The following PRKCE variants were observed in gnomAD, a reference collection of about 807,000 sequenced individuals.
The protein encoded by PRKCE is protein kinase C epsilon type.
A neutral mutation model predicts 85.4 loss-of-function variants in PRKCE; 16 were observed. That is an observed-to-expected ratio of 0.19 (90% CI 0.13 to 0.28). PRKCE has a LOEUF of 0.28. Ranked by LOEUF, PRKCE falls within the 10% of genes least tolerant of loss-of-function variation. The pLI, the probability that PRKCE is intolerant of heterozygous loss-of-function variation, is 1.00. For missense variants in PRKCE, 573 were observed against 975.2 expected (o/e 0.59, Z 5.49); for synonymous variants, 388 against 371.5 (o/e 1.04, Z -0.51).
intron 1 of PRKCE, among the ~76,000 whole-genome samples, chr2:45,717,502 C>G (rs1680237250): frequency 6.6e-6 from 1 of 152,162 alleles, no homozygotes; most frequent in African/African-American, 2.4e-5. Flanking sequence ...TTGGGTTCCC[C>G]CTAAAGCATA....
Position 46,025,635 on chromosome 2 carries a change from C to G in PRKCE, c.1437+15118C>G, listed in dbSNP as rs1207672550. Among the ~76,000 whole-genome samples, 6 of 152,358 alleles carry G rather than the reference C, an allele frequency of 3.9e-5. No individual in the cohort carries two copies. The East Asian group carries it at 1.2e-3, about 29-fold the overall frequency. On this transcript the variant is annotated intron_variant, in intron 10 of 14. Coordinates refer to ENST00000306156, the MANE Select transcript of PRKCE (RefSeq NM_005400.3). The stretch of plus-strand genomic sequence containing the variant: ...CCTCTCTCTCCCTTGCTCTCACTCT[C>G]TCCCTCTGTCACTCTCTCGCTGTCT...
At chr2:45,785,259 G>A (rs146673889) in intron 1 of PRKCE, among the ~76,000 whole-genome samples, 1,949 of 152,320 alleles carry the variant, frequency 0.013, 38 homozygotes, top group African/African-American at 0.045. Context: ...GGGAGGCTGA[G>A]GCGGGCAGAT....
chr2:46,022,358 G>A (rs568738697), intron 10 of PRKCE, among the ~76,000 whole-genome samples: 4 of 152,180 alleles, frequency 2.6e-5, no homozygotes, highest in Admixed American at 6.5e-5. Context: ...TGGGAAATAC[G>A]CATGGTATCA....
intron 1 of PRKCE, among the ~76,000 whole-genome samples, chr2:45,669,515 T>C (rs1676058033): frequency 6.6e-6 from 1 of 152,140 alleles, no homozygotes; most frequent in South Asian, 2.1e-4. Context: ...CTGAGCTTGA[T>C]ACAGTGGGGG....
chr2:45,825,705 G>A (rs773875484), intron 1 of PRKCE, among the ~76,000 whole-genome samples: 3 of 152,166 alleles, frequency 2.0e-5, no homozygotes, highest in Non-Finnish European at 2.9e-5. Context: ...GTAACGTAGC[G>A]AGACCCTATC....
At chr2:45,828,355 G>A (rs571932475) in intron 1 of PRKCE, among the ~76,000 whole-genome samples, 1 of 152,310 alleles carries the variant, frequency 6.6e-6, no homozygotes, top group East Asian at 1.9e-4. Flanking sequence ...AGCCAAGGTA[G>A]CACCACTGCT....
intron 2 of PRKCE, among the ~76,000 whole-genome samples, chr2:45,852,417 A>G (rs563802963): frequency 2.0e-4 from 30 of 152,352 alleles, no homozygotes; most frequent in African/African-American, 6.7e-4. Context: ...TTCCTGCTCC[A>G]TAATTAGTTA....
chr2:45,732,902 A>G (rs1211734812), intron 1 of PRKCE, among the ~76,000 whole-genome samples: 1 of 152,256 alleles, frequency 6.6e-6, no homozygotes, highest in African/African-American at 2.4e-5. Flanking sequence ...TTAAATCGTT[A>G]TAATTAATGG....
chr2:45,909,734 G>A (rs2103813198), intron 2 of PRKCE, among the ~76,000 whole-genome samples: 1 of 152,344 alleles, frequency 6.6e-6, no homozygotes, highest in Non-Finnish European at 1.5e-5. Flanking sequence ...CTTCCAGGCA[G>A]GAGTCAGTGA....
chr2:45,972,810 TA>T (rs1702195110), intron 2 of PRKCE, among the ~76,000 whole-genome samples: 1 of 152,202 alleles, frequency 6.6e-6, no homozygotes, highest in Non-Finnish European at 1.5e-5. Flanking sequence ...AAAATGCCCA[TA>T]AAAGAATTAA....
intron 6 of PRKCE, among the ~76,000 whole-genome samples, chr2:45,990,167 T>A (rs577773660): frequency 5.3e-5 from 8 of 152,318 alleles, no homozygotes; most frequent in African/African-American, 1.9e-4. Context: ...AGCTGAGAGC[T>A]GGGGCTGTTG....
At chr2:45,766,612 G>C (rs968875765) in intron 1 of PRKCE, among the ~76,000 whole-genome samples, 3 of 152,220 alleles carry the variant, frequency 2.0e-5, no homozygotes, top group African/African-American at 7.2e-5. Flanking sequence ...CTTCATGGTG[G>C]AATTTCAGAC....
chr2:45,665,453 G>A (rs1015868489), intron 1 of PRKCE, among the ~76,000 whole-genome samples: 2 of 152,202 alleles, frequency 1.3e-5, no homozygotes, highest in African/African-American at 4.8e-5. Flanking sequence ...ATAGATGTAG[G>A]TGAAATGTTT....
chr2:45,688,456 C>T (rs1187217680), intron 1 of PRKCE, among the ~76,000 whole-genome samples: 1 of 152,008 alleles, frequency 6.6e-6, no homozygotes, highest in African/African-American at 2.4e-5. Flanking sequence ...TTTTTTCCCC[C>T]TTAACCCCAA....
rs563411245 is a variant in PRKCE, at chr2:45,935,262, C to T, written c.413-41167C>T. On this transcript the variant is annotated intron_variant, in intron 2 of 14. Coordinates refer to ENST00000306156, the MANE Select transcript of PRKCE (RefSeq NM_005400.3). The stretch of plus-strand genomic sequence containing the variant: ...GTTAAAATACTTAAAGTACATACAT[C>T]TTTTCTTTGCATGATTCTCTGCTTT... Among the ~76,000 whole-genome samples the T allele has an allele frequency of 3.9e-5, 6 of 152,232 alleles. No homozygotes were observed. In the East Asian group the frequency reaches 1.2e-3, roughly 29 times the overall value.
chr2:46,008,272 A>C (rs752878620), intron 9 of PRKCE, among the ~76,000 whole-genome samples: 3 of 152,156 alleles, frequency 2.0e-5, no homozygotes, highest in Non-Finnish European at 2.9e-5. Flanking sequence ...GTTCCCACTG[A>C]GATGAACACA....
intron 10 of PRKCE, among the ~76,000 whole-genome samples, chr2:46,079,029 T>A (rs1049058151): frequency 6.6e-6 from 1 of 151,834 alleles, no homozygotes; most frequent in African/African-American, 2.4e-5. Flanking sequence ...ATACAAAAAT[T>A]AGCAAGGTGT....
intron 11 of PRKCE, among the ~76,000 whole-genome samples, chr2:46,103,510 T>C (rs1266884188): frequency 6.6e-6 from 1 of 152,218 alleles, no homozygotes; most frequent in Non-Finnish European, 1.5e-5. Context: ...AACTCATGTA[T>C]AATACACATA....
chr2:45,744,539 T>TTTCTTTCTTTCTTTTTCTTTCC (rs1682968750), intron 1 of PRKCE, among the ~76,000 whole-genome samples: 10 of 68,168 alleles, frequency 1.5e-4, no homozygotes, highest in Non-Finnish European at 2.2e-4. Flanking sequence ...TCTTTCCTTC[T>TTTCTTTCTTTCTTTTTCTTTCC]TTCTTTCTTT....
Sources: gnomAD v4.1 joint callset for allele counts (sites outside exome capture counted in the v4.1 genomes callset) on GRCh38, gnomAD v4.1.1 for gene constraint, MANE v1.5 for transcripts, NCBI Gene and HGNC (gene_info 2026-07-23, HGNC 2026-07-21) for gene names.